FBXL13: variants seen among roughly 807,000 people sequenced by gnomAD.
FBXL13 encodes F-box and leucine rich repeat protein 13.
Under a neutral mutation model 83.6 loss-of-function variants are expected in FBXL13, and 67 were observed. The observed-to-expected ratio is 0.80, with a 90% confidence interval of 0.66 to 0.98. FBXL13 has a LOEUF of 0.98. Among genes scored for constraint, FBXL13 ranks in the 50% least tolerant of loss-of-function variants. FBXL13 has a pLI of 0.00. For synonymous variants in FBXL13, 272 were observed against 299.5 expected (o/e 0.91, Z 0.95); for missense variants, 822 against 866.5 (o/e 0.95, Z 0.64).
rs372396273 is a variant in FBXL13 at position 102,890,383 on chromosome 7, A to G, written c.1009-6071T>C. On this transcript the variant is annotated intron_variant, in intron 11 of 19. Coordinates refer to ENST00000313221, the Ensembl canonical transcript of FBXL13. ...TTTTGACACCAACTGGAGCCCTGCC[A>G]CCCTGTCCTTTGCTGGTTAAGCCCC... Among the ~76,000 whole-genome samples the G allele has an allele frequency of 2.6e-5, 4 of 152,238 alleles. 1 individual carries two copies. In the South Asian group the frequency reaches 8.3e-4, roughly 32 times the overall value.
At chr7:102,887,668 A>G (rs1218590546) in intron 11 of FBXL13, among the ~76,000 whole-genome samples, 1 of 152,182 alleles carries the variant, frequency 6.6e-6, no homozygotes, top group African/African-American at 2.4e-5. Context: ...AACATCTTCA[A>G]CTGAATGAAG....
intron 10 of FBXL13, among the ~76,000 whole-genome samples, chr7:102,915,148 G>C (rs1815597444): frequency 7.5e-6 from 1 of 132,742 alleles, no homozygotes; most frequent in South Asian, 2.4e-4. Flanking sequence ...TTTTTACACT[G>C]ATCAACTGTG....
chr7:102,833,957 T>C (rs1801193247), intron 17 of FBXL13, among the ~76,000 whole-genome samples: 1 of 139,212 alleles, frequency 7.2e-6, no homozygotes, highest in Admixed American at 7.3e-5. Flanking sequence ...AACAAAACAA[T>C]CCACAAAAGT....
At chr7:103,007,345 A>T (rs928626523) in intron 6 of FBXL13, among the ~76,000 whole-genome samples, 1 of 152,236 alleles carries the variant, frequency 6.6e-6, no homozygotes, top group South Asian at 2.1e-4. Context: ...AAAAGCAAGA[A>T]GAAAAAAAGA....
chr7:102,830,817 A>AT, intron 18 of FBXL13, among the ~76,000 whole-genome samples: 1 of 152,292 alleles, frequency 6.6e-6, no homozygotes, highest in Admixed American at 6.5e-5. Flanking sequence ...ATTTCTGAGG[A>AT]TTTTCAAAAA....
intron 6 of FBXL13, among the ~76,000 whole-genome samples, chr7:103,013,245 C>G (rs956082808): frequency 1.3e-5 from 2 of 152,184 alleles, no homozygotes; most frequent in African/African-American, 4.8e-5. Flanking sequence ...AAAACTAACG[C>G]AAGTATTCAG....
chr7:103,042,732 T>G (rs1260279635), intron 2 of FBXL13, among the ~76,000 whole-genome samples: 1 of 152,204 alleles, frequency 6.6e-6, no homozygotes, highest in Non-Finnish European at 1.5e-5. Context: ...GAGTTCTCTA[T>G]TTAATAAATT....
At chr7:102,944,648 A>G in intron 8 of FBXL13, 1 of 1,508,162 alleles carries the variant, frequency 6.6e-7, no homozygotes, top group Non-Finnish European at 8.9e-7. Flanking sequence ...TGTATTTTCT[A>G]TACTGGTGTT....
At chr7:102,987,200 G>A (rs1380409002) in intron 6 of FBXL13, among the ~76,000 whole-genome samples, 1 of 152,022 alleles carries the variant, frequency 6.6e-6, no homozygotes, top group Non-Finnish European at 1.5e-5. Flanking sequence ...AGTATACTAT[G>A]TACACTATTC....
chr7:103,070,376 C>T (rs1023948295), intron 1 of FBXL13, among the ~76,000 whole-genome samples: 8 of 152,022 alleles, frequency 5.3e-5, no homozygotes, highest in Admixed American at 2.6e-4. Flanking sequence ...GAATTACAGG[C>T]GTGCACCACA....
At chr7:103,022,569 AG>A (rs1793332242) in intron 6 of FBXL13, among the ~76,000 whole-genome samples, 1 of 152,186 alleles carries the variant, frequency 6.6e-6, no homozygotes, top group African/African-American at 2.4e-5. Context: ...AACAAGCAAC[AG>A]GGAAAGAACT....
intron 8 of FBXL13, among the ~76,000 whole-genome samples, chr7:102,950,303 A>G (rs1230299265): frequency 2.0e-5 from 3 of 152,244 alleles, no homozygotes; most frequent in Non-Finnish European, 4.4e-5. Flanking sequence ...GCCAAAATCC[A>G]TAACTGTGAC....
chr7:103,021,034 A>G (rs998750686), intron 6 of FBXL13, among the ~76,000 whole-genome samples: 68 of 152,190 alleles, frequency 4.5e-4, no homozygotes, highest in Non-Finnish European at 7.3e-4. Context: ...AGACAATCCT[A>G]AGCAAAAAGA....
chr7:102,964,404 A>ATATTTT (rs796873670), intron 7 of FBXL13, among the ~76,000 whole-genome samples: 15 of 143,296 alleles, frequency 1.0e-4, no homozygotes, highest in African/African-American at 4.0e-4. Flanking sequence ...ATATATATAT[A>ATATTTT]TTTTTTTTTT....
intron 16 of FBXL13, among the ~76,000 whole-genome samples, chr7:102,871,215 G>A (rs1808484658): frequency 6.6e-6 from 1 of 151,896 alleles, no homozygotes; most frequent in Non-Finnish European, 1.5e-5. Context: ...CCATCTGCAG[G>A]TCCGGTAATC....
intron 11 of FBXL13, among the ~76,000 whole-genome samples, chr7:102,908,492 A>G (rs1043021696): frequency 6.6e-6 from 1 of 152,184 alleles, no homozygotes; most frequent in Non-Finnish European, 1.5e-5. Flanking sequence ...CTGGGCATTG[A>G]AGAGTTAGGT....
Position 102,813,383 on chromosome 7 carries a change from CTG to C in FBXL13, c.2165_2166del (p.Thr722SerfsTer9). ...TCACTGCTGTATGTTGACTTTTTCA[CTG>C]TTAATTCTAAGGCTCCTTTAGATGA... On this transcript the variant is annotated frameshift_variant, in exon 20 of 20. Transcript: ENST00000313221. LOFTEE classifies it low-confidence loss of function (END_TRUNC). The C allele has an allele frequency of 6.2e-7, 1 of 1,613,990 alleles. No homozygotes were observed. Among genetic ancestry groups the C allele is most frequent in the African/African-American group, 1.3e-5 (1 of 75,032 alleles).
At chr7:102,865,734 C>T (rs751302434) in intron 16 of FBXL13, among the ~76,000 whole-genome samples, 14 of 151,498 alleles carry the variant, frequency 9.2e-5, no homozygotes, top group Non-Finnish European at 1.3e-4. Context: ...TTAGTAGAGA[C>T]GGGGTTTCAC....
At chr7:102,887,927 G>A (rs1311599988) in intron 11 of FBXL13, among the ~76,000 whole-genome samples, 1 of 152,120 alleles carries the variant, frequency 6.6e-6, no homozygotes, top group African/African-American at 2.4e-5. Context: ...CAGTGACCAT[G>A]TATAGTCAGA....
Sources: gnomAD v4.1 joint callset for allele counts (sites outside exome capture counted in the v4.1 genomes callset) on GRCh38, gnomAD v4.1.1 for gene constraint, MANE v1.5 for transcripts, NCBI Gene and HGNC (gene_info 2026-07-23, HGNC 2026-07-21) for gene names.